EFHB: variants seen among roughly 807,000 people sequenced by gnomAD.
EFHB encodes EF-hand domain-containing family member B.
EFHB carries 91 observed loss-of-function variants against 87.2 expected under a neutral mutation model. The observed-to-expected ratio is 1.04, with a 90% confidence interval of 0.88 to 1.24. EFHB has a LOEUF of 1.24. Among genes scored for constraint, EFHB ranks in the 50% most tolerant of loss-of-function variants. The pLI is 0.00. For synonymous variants in EFHB, 325 were observed against 333.6 expected (o/e 0.97, Z 0.28); for missense variants, 1,084 against 998.8 (o/e 1.09, Z -1.15).
intron 2 of EFHB, 40 bp downstream of exon 2, chr3:19,920,465 G>A: frequency 6.6e-7 from 1 of 1,525,434 alleles, no homozygotes; most frequent in Non-Finnish European, 8.9e-7. Flanking sequence ...TCACATAGAA[G>A]GTAAAAATAG....
chr3:19,889,352 C>G (rs867235434), intron 9 of EFHB, among the ~76,000 whole-genome samples: 3 of 152,178 alleles, frequency 2.0e-5, no homozygotes, highest in Non-Finnish European at 2.9e-5. Context: ...GTCTATCAAG[C>G]CAACCTTAAA....
At chr3:19,919,558 G>A (rs188791733) in intron 3 of EFHB, among the ~76,000 whole-genome samples, 149 of 152,196 alleles carry the variant, frequency 9.8e-4, no homozygotes, top group African/African-American at 3.5e-3. Flanking sequence ...TCTCTTTATT[G>A]TGAGAAAATG....
intron 12 of EFHB, 82 bp downstream of exon 12, chr3:19,882,468 A>T (rs890503002): frequency 1.6e-6 from 2 of 1,277,522 alleles, no homozygotes; most frequent in Non-Finnish European, 2.0e-6. Context: ...TTGTAAATAT[A>T]AAAATTCAAG....
Position 19,896,677 on chromosome 3 carries a change from C to G in EFHB, c.1725+10G>C, listed in dbSNP as rs779235415. On this transcript the variant is annotated intron_variant, in intron 9 of 12. Coordinates refer to ENST00000295824, the MANE Select transcript of EFHB (RefSeq NM_144715.4). ...CATGCATTACCAAAAAGCTCTCCCC[C>G]ATTACTGGCCTTGTCATAGTGCCTG... is the stretch of plus-strand genomic sequence containing the variant. 3.7e-6 allele frequency: 6 copies of G among 1,614,014 alleles called. No individual in the cohort carries two copies. The highest frequency in any genetic ancestry group is 3.3e-5 in the South Asian group (3 of 91,086).
In EFHB at chr3:19,879,600, C is replaced by A; in HGVS notation, c.*31G>T. The A allele has an allele frequency of 1.3e-6, 2 of 1,523,604 alleles. No homozygotes were observed. The highest frequency in any genetic ancestry group is 1.8e-6 in the Non-Finnish European group (2 of 1,137,586). The allele number at this position is 1,523,604 out of a possible 1,614,324, so 94.4% of individuals were successfully genotyped here. A position where few individuals can be genotyped will look rare whatever the true frequency, so the allele number is the denominator to read the frequency against. ...TTAGATAAACACAGAGTTAATAATT[C>A]TTTTGCTTGAATGAATGAAGTCCAA... is the stretch of plus-strand genomic sequence containing the variant. On this transcript the variant is annotated 3_prime_UTR_variant, in exon 13 of 13. Coordinates refer to ENST00000295824, the MANE Select transcript of EFHB (RefSeq NM_144715.4).
At chr3:19,887,596 A>G (rs1438240353) in intron 10 of EFHB, among the ~76,000 whole-genome samples, 7 of 152,072 alleles carry the variant, frequency 4.6e-5, no homozygotes, top group African/African-American at 1.7e-4. Context: ...CTGGAAGAAG[A>G]CTTATCTTGG....
At chr3:19,935,673 G>T (rs117433726), upstream of EFHB, among the ~76,000 whole-genome samples, 1 of 151,860 alleles carries the variant, frequency 6.6e-6, no homozygotes, top group Non-Finnish European at 1.5e-5. Context: ...ATGGTGCCAC[G>T]ACACTCAAGC....
intron 8 of EFHB, among the ~76,000 whole-genome samples, chr3:19,898,432 G>C (rs1045000753): frequency 6.6e-6 from 1 of 152,212 alleles, no homozygotes; most frequent in Non-Finnish European, 1.5e-5. Context: ...ACCACACTTT[G>C]AGACGTTAGG....
chr3:19,908,562 A>AAGAG (rs71624361), intron 5 of EFHB, among the ~76,000 whole-genome samples: 79 of 83,872 alleles, frequency 9.4e-4, no homozygotes, highest in East Asian at 2.4e-3. Flanking sequence ...GAAAGAGAGA[A>AAGAG]AGAGAGAGAG....
At chr3:19,938,288 A>G (rs146364891), upstream of EFHB, among the ~76,000 whole-genome samples, 909 of 152,338 alleles carry the variant, frequency 6.0e-3, 7 homozygotes, top group African/African-American at 0.021. Flanking sequence ...ACATTTGTCA[A>G]AACATGAAAT....
At chr3:19,926,332 T>G (rs555306072) in intron 1 of EFHB, among the ~76,000 whole-genome samples, 1 of 65,422 alleles carries the variant, frequency 1.5e-5, no homozygotes, top group African/African-American at 4.2e-5. Context: ...TTTGGTTTTT[T>G]TGGGGTTTTT....
chr3:19,926,405 CG>C (rs1486138331), intron 1 of EFHB, among the ~76,000 whole-genome samples: 1 of 152,048 alleles, frequency 6.6e-6, no homozygotes, highest in Admixed American at 6.6e-5. Context: ...GCTCTGTCGC[CG>C]AGGCTGGAGT....
At chr3:19,895,097 C>T (rs2931380) in intron 9 of EFHB, 1 of 147,356 alleles carries the variant, frequency 6.8e-6, no homozygotes, top group Admixed American at 6.8e-5. Context: ...TATATATCAA[C>T]ATATATTTAT....
chr3:19,930,569 T>C (rs980414013), intron 1 of EFHB, among the ~76,000 whole-genome samples: 2 of 152,234 alleles, frequency 1.3e-5, no homozygotes, highest in Non-Finnish European at 2.9e-5. Context: ...GTTCTAACAA[T>C]GTTGGTAATT....
At chr3:19,881,715 T>G (rs2071680659) in intron 12 of EFHB, among the ~76,000 whole-genome samples, 3 of 152,132 alleles carry the variant, frequency 2.0e-5, no homozygotes, top group Admixed American at 6.5e-5. Flanking sequence ...ATTCGGTTAG[T>G]ATTTAATACA....
At chr3:19,893,440 G>T (rs1694372040) in intron 9 of EFHB, among the ~76,000 whole-genome samples, 1 of 152,182 alleles carries the variant, frequency 6.6e-6, no homozygotes, top group African/African-American at 2.4e-5. Context: ...CCCTGATTTT[G>T]TGGCAATAGG....
At chr3:19,902,159 C>T (rs534831395) in intron 6 of EFHB, among the ~76,000 whole-genome samples, 1 of 152,254 alleles carries the variant, frequency 6.6e-6, no homozygotes, top group South Asian at 2.1e-4. Context: ...GAGTTGCATT[C>T]ACGAACCAAC....
Position 19,896,363 on chromosome 3 carries a change from G to T in EFHB, c.1725+324C>A, listed in dbSNP as rs151004404. Among the ~76,000 whole-genome samples, 847 of 152,226 alleles carry T rather than the reference G, an allele frequency of 5.6e-3. 8 individuals carry two copies. The highest frequency in any genetic ancestry group is 0.019 in the African/African-American group (806 of 41,540). On this transcript the variant is annotated intron_variant, in intron 9 of 12. Transcript: ENST00000295824. ...CCCAAGTGATAGTGATGGTGGTAGT[G>T]GAACCACACTTTGACAACCAATAAT...
intron 5 of EFHB, among the ~76,000 whole-genome samples, chr3:19,910,139 G>A (rs1695005436): frequency 6.6e-6 from 1 of 151,822 alleles, no homozygotes; most frequent in Non-Finnish European, 1.5e-5. Flanking sequence ...GGGGAGCAGA[G>A]CACGAAGCAG....
Sources: allele counts gnomAD v4.1 joint callset (sites outside exome capture counted in the v4.1 genomes callset), GRCh38; gene constraint gnomAD v4.1.1; transcripts MANE v1.5; gene names NCBI Gene and HGNC (gene_info 2026-07-23, HGNC 2026-07-21).